The following DAB1 variants were observed in gnomAD, a reference collection of about 807,000 sequenced individuals.
DAB1 encodes the protein DAB adaptor protein 1, also known as disabled homolog 1.
DAB1 carries 15 observed loss-of-function variants against 64.6 expected under a neutral mutation model. The observed-to-expected ratio is 0.23, with a 90% CI of 0.16 to 0.36. The LOEUF is 0.36. DAB1 is among the 10% of genes least tolerant of loss of function. The pLI is 1.00. For missense variants in DAB1, 596 were observed against 706.7 expected, an observed-to-expected ratio of 0.84 and a Z score of 1.78; for synonymous variants, 235 against 251.9, an observed-to-expected ratio of 0.93 and a Z score of 0.64.
chr1:58,145,264 T>C (rs572968232), intron 5 of DAB1, among the ~76,000 whole-genome samples: 75 of 152,312 alleles, frequency 4.9e-4, no homozygotes, highest in Middle Eastern at 3.4e-3. Flanking sequence ...TTTGGGGCAA[T>C]GCCTATACCT....
intron 4 of DAB1, among the ~76,000 whole-genome samples, chr1:58,290,851 G>T (rs976994545): frequency 6.6e-6 from 1 of 152,172 alleles, no homozygotes; most frequent in African/African-American, 2.4e-5. Context: ...TTAGAACCAC[G>T]TGCTTGTTTT....
At chr1:57,556,820 A>G (rs1644994637) in intron 7 of DAB1, among the ~76,000 whole-genome samples, 1 of 151,842 alleles carries the variant, frequency 6.6e-6, no homozygotes, top group African/African-American at 2.4e-5. Context: ...TTTTTGTTGC[A>G]TTTGCTTTTG....
chr1:58,296,184 AGAGAAAGAAAGAG>A (rs1557724770), intron 4 of DAB1, among the ~76,000 whole-genome samples: 56 of 127,768 alleles, frequency 4.4e-4, no homozygotes, highest in Middle Eastern at 4.1e-3. Context: ...AAAGAAAGAA[AGAGAAAGAAAGAG>A]AAAGAAAGAA....
At chr1:57,915,433 T>C (rs1644711860) in intron 5 of DAB1, among the ~76,000 whole-genome samples, 1 of 152,154 alleles carries the variant, frequency 6.6e-6, no homozygotes, top group Non-Finnish European at 1.5e-5. Flanking sequence ...CATCATTACT[T>C]GTCTCCCGTG....
intron 7 of DAB1, among the ~76,000 whole-genome samples, chr1:57,572,479 C>T (rs1377705001): frequency 1.3e-5 from 2 of 152,154 alleles, no homozygotes; most frequent in South Asian, 2.1e-4. Flanking sequence ...TACTTTCTAG[C>T]TATACCATAT....
In DAB1 at chr1:58,538,913, CA is replaced by C. The variant is rs763323453; in HGVS notation, n.32+7789del. On this transcript the variant is annotated intron_variant and non_coding_transcript_variant, in intron 1 of 20. Coordinates refer to the DAB1 transcript ENST00000485760. ...AAATTCCTAATAGCTCTTATGGAAG[CA>C]GGGCTTAGAGGATGCAATACTGACA... 1.7e-5 allele frequency: 15 copies of C among 872,722 alleles called. No homozygotes were observed. In the South Asian group the frequency reaches 2.0e-4, roughly 11 times the overall value. The allele number at this position is 872,722 out of a possible 1,614,324, so 54.1% of individuals were successfully genotyped here.
At chr1:58,306,143 A>G (rs1486060334) in intron 4 of DAB1, among the ~76,000 whole-genome samples, 1 of 152,174 alleles carries the variant, frequency 6.6e-6, no homozygotes, top group Non-Finnish European at 1.5e-5. Flanking sequence ...TCAAGTGAGC[A>G]CTCATTATTG....
rs1208915619 is a variant in DAB1, at chr1:58,118,574, A to G, written n.387+31937T>C. Among the ~76,000 whole-genome samples, 43 of 87,110 alleles carry G rather than the reference A, an allele frequency of 4.9e-4. 2 individuals carry two copies. The highest frequency in any genetic ancestry group is 2.6e-3 in the African/African-American group (42 of 16,284). 57.1% of individuals were successfully genotyped at this position (87,110 alleles called of 152,430 possible). A position where few individuals can be genotyped will look rare whatever the true frequency, so the allele number is the denominator to read the frequency against. Reference sequence around the variant, plus strand: ...ACATATATATAAAATACATATATATATATACATATATATATAAAATACTAT... The same window carrying G: ...ACATATATATAAAATACATATATATGTATACATATATATATAAAATACTAT... On this transcript the variant is annotated intron_variant and non_coding_transcript_variant, in intron 5 of 20. Coordinates refer to the DAB1 transcript ENST00000485760.
At chr1:58,446,439 A>T (rs1305654594) in intron 3 of DAB1, among the ~76,000 whole-genome samples, 1 of 152,196 alleles carries the variant, frequency 6.6e-6, no homozygotes, top group Non-Finnish European at 1.5e-5. Flanking sequence ...TCCTTGGTGA[A>T]ATGAACACCA....
chr1:57,824,731 G>A (rs1025730899), downstream of DAB1, among the ~76,000 whole-genome samples: 5 of 152,164 alleles, frequency 3.3e-5, no homozygotes, highest in Admixed American at 1.3e-4. Flanking sequence ...GTCATTCATT[G>A]CCTGCAGCTA....
intron 7 of DAB1, among the ~76,000 whole-genome samples, chr1:57,478,351 C>A (rs1005287731): frequency 1.3e-5 from 2 of 152,064 alleles, no homozygotes; most frequent in African/African-American, 2.4e-5. Context: ...TTTTCTGAAA[C>A]TGTACAAAAT....
chr1:58,001,371 C>A (rs1187990), intron 5 of DAB1, among the ~76,000 whole-genome samples: 61,648 of 151,980 alleles, frequency 0.41, 12,891 homozygotes, highest in East Asian at 0.63. Context: ...TCAAGCAATT[C>A]TCATGCCTCA....
intron 2 of DAB1, among the ~76,000 whole-genome samples, chr1:57,155,144 A>G (rs78331105): frequency 0.062 from 9,441 of 152,254 alleles, 418 homozygotes; most frequent in East Asian, 0.19. Context: ...TTTCTTGTAG[A>G]AGTTTAATAG....
chr1:57,881,031 C>G (rs894448828), intron 1 of DAB1: 2 of 152,158 alleles, frequency 1.3e-5, no homozygotes, highest in Admixed American at 1.3e-4. Context: ...GTTGAATGAC[C>G]TGGGCATGAT....
chr1:57,335,881 C>T (rs1040994311), intron 1 of DAB1, among the ~76,000 whole-genome samples: 4 of 152,162 alleles, frequency 2.6e-5, no homozygotes, highest in Admixed American at 1.3e-4. Flanking sequence ...ATAAGACATG[C>T]ATTTTGAATC....
At chr1:57,088,487 A>G (rs1156291402) in intron 4 of DAB1, among the ~76,000 whole-genome samples, 1 of 152,208 alleles carries the variant, frequency 6.6e-6, no homozygotes, top group Non-Finnish European at 1.5e-5. Flanking sequence ...TGTTTGTTTC[A>G]GCCAACACCT....
chr1:57,207,974 A>C (rs1369229486), intron 2 of DAB1, among the ~76,000 whole-genome samples: 1 of 152,220 alleles, frequency 6.6e-6, no homozygotes, highest in Non-Finnish European at 1.5e-5. Flanking sequence ...CCTGGAACCC[A>C]AGGTGGGGAA....
At chr1:58,217,509 C>T (rs1658920874) in intron 4 of DAB1, among the ~76,000 whole-genome samples, 1 of 152,214 alleles carries the variant, frequency 6.6e-6, no homozygotes, top group Non-Finnish European at 1.5e-5. Context: ...CTACACTCAA[C>T]CATTCATTCA....
intron 1 of DAB1, among the ~76,000 whole-genome samples, chr1:57,308,669 G>C (rs1378020096): frequency 6.6e-6 from 1 of 152,144 alleles, no homozygotes; most frequent in African/African-American, 2.4e-5. Context: ...ATAAGAAATG[G>C]CTTCTAATAA....
Sources: allele counts gnomAD v4.1 joint callset (sites outside exome capture counted in the v4.1 genomes callset), GRCh38; gene constraint gnomAD v4.1.1; transcripts MANE v1.5; gene names NCBI Gene and HGNC (gene_info 2026-07-23, HGNC 2026-07-21).